Variants in DIP2C observed in about 807,000 individuals in gnomAD.
DIP2C encodes disco-interacting protein 2 homolog C.
A neutral mutation model predicts 192.4 loss-of-function variants in DIP2C; 33 were observed. That is an observed-to-expected ratio of 0.17 (90% CI 0.13 to 0.23). The LOEUF (loss-of-function observed/expected upper bound fraction) is 0.23, where lower values mean the gene tolerates loss of function less well. Ranked by LOEUF, DIP2C falls within the 10% of genes least tolerant of loss-of-function variation. The pLI is 1.00. For synonymous variants in DIP2C, 979 were observed against 864.1 expected (o/e 1.13, Z -2.33); for missense variants, 1,537 against 2,110.1 (o/e 0.73, Z 5.32).
chr10:489,052 C>CA (rs2093007684), intron 1 of DIP2C, among the ~76,000 whole-genome samples: 1 of 152,158 alleles, frequency 6.6e-6, no homozygotes, highest in South Asian at 2.1e-4. Context: ...GATTCTATCC[C>CA]AAAATGCAGA....
chr10:313,597 A>G (rs1956653454), intron 31 of DIP2C, among the ~76,000 whole-genome samples: 1 of 152,256 alleles, frequency 6.6e-6, no homozygotes, highest in Admixed American at 6.5e-5. Context: ...GATTTAAAGT[A>G]CACGGAGGAT....
chr10:637,704 T>C (rs1024084291), intron 1 of DIP2C, among the ~76,000 whole-genome samples: 4 of 152,180 alleles, frequency 2.6e-5, no homozygotes, highest in African/African-American at 9.7e-5. Flanking sequence ...TAATTTTGTT[T>C]AAAGGCATTT....
At chr10:585,505 T>TCA (rs1475941822) in intron 1 of DIP2C, among the ~76,000 whole-genome samples, 1 of 152,234 alleles carries the variant, frequency 6.6e-6, no homozygotes, top group Non-Finnish European at 1.5e-5. Flanking sequence ...GGCTCCAGGA[T>TCA]CACGGCCCAG....
intron 1 of DIP2C, among the ~76,000 whole-genome samples, chr10:540,035 T>C (rs1383776009): frequency 6.6e-6 from 1 of 152,196 alleles, no homozygotes; most frequent in African/African-American, 2.4e-5. Flanking sequence ...TTCTAGAAAC[T>C]TGTGTTTGGC....
intron 22 of DIP2C, among the ~76,000 whole-genome samples, chr10:359,442 G>A (rs1027315177): frequency 1.3e-5 from 2 of 152,200 alleles, no homozygotes; most frequent in African/African-American, 4.8e-5. Flanking sequence ...GGTTCTAGGC[G>A]ACGTGTAGGA....
intron 2 of DIP2C, among the ~76,000 whole-genome samples, chr10:477,181 A>T (rs1843096921): frequency 7.0e-6 from 1 of 142,256 alleles, no homozygotes; most frequent in South Asian, 2.3e-4. Flanking sequence ...GGCTTAGCAA[A>T]GTCAGCAAAG....
intron 1 of DIP2C, among the ~76,000 whole-genome samples, chr10:646,874 G>A (rs544694462): frequency 7.9e-5 from 12 of 152,234 alleles, no homozygotes; most frequent in Non-Finnish European, 1.2e-4. Flanking sequence ...ACACAGACTC[G>A]GTTGGTAATT....
rs192826703 is a variant in DIP2C, at chr10:369,830, C to T, written c.1992-197G>A. ...TGAACAGCTGGCAGCGAGTCTACTG[C>T]TTCCGCCTCTACATTCCCAGGGAAT... On this transcript the variant is annotated intron_variant, in intron 17 of 36. Coordinates refer to ENST00000280886, the MANE Select transcript of DIP2C (RefSeq NM_014974.3). 6.3e-3 allele frequency: 8,148 copies of T among 1,303,406 alleles called. 41 individuals carry two copies. Among genetic ancestry groups the T allele is most frequent in the Non-Finnish European group, 7.2e-3 (6,909 of 962,664 alleles). 80.7% of individuals were successfully genotyped at this position (1,303,406 alleles called of 1,614,324 possible).
At chr10:532,880 T>TC (rs1847499955) in intron 1 of DIP2C, among the ~76,000 whole-genome samples, 1 of 152,104 alleles carries the variant, frequency 6.6e-6, no homozygotes, top group Non-Finnish European at 1.5e-5. Flanking sequence ...AGCCTCAACC[T>TC]CCCAGGCTTG....
At chr10:607,258 A>G (rs1588583089) in intron 1 of DIP2C, among the ~76,000 whole-genome samples, 2 of 152,160 alleles carry the variant, frequency 1.3e-5, no homozygotes, top group South Asian at 4.1e-4. Context: ...GGCAGCTCAA[A>G]CACCTAAACA....
At chr10:552,385 C>T (rs574442055) in intron 1 of DIP2C, among the ~76,000 whole-genome samples, 18 of 152,234 alleles carry the variant, frequency 1.2e-4, no homozygotes, top group Middle Eastern at 3.4e-3. Context: ...GAAGTCCCTG[C>T]CAAGTAAAAG....
chr10:302,914 G>A (rs114418824), intron 32 of DIP2C, among the ~76,000 whole-genome samples: 59 of 151,148 alleles, frequency 3.9e-4, no homozygotes, highest in African/African-American at 1.4e-3. Flanking sequence ...TGTAGACTCT[G>A]TAAACACTGT....
rs937913815 is a variant in DIP2C at position 363,929 on chromosome 10, C to T, written c.2477+445G>A. On this transcript the variant is annotated intron_variant, in intron 20 of 36. Transcript: ENST00000280886. This position sits in a 1 kb window ranked among gnomAD's most constrained non-coding sequence, Gnocchi z 5.4. ...ACTCAGGAACCGTGGCAACTTATTT[C>T]ATCACGGAGCCTCCACTGTGCACCA... Among the ~76,000 whole-genome samples the T allele has an allele frequency of 2.6e-5, 4 of 152,152 alleles. No individual in the cohort carries two copies. Among genetic ancestry groups the T allele is most frequent in the African/African-American group, 9.7e-5 (4 of 41,434 alleles).
Position 422,958 on chromosome 10 carries a change from C to A in DIP2C, c.470G>T (p.Ser157Ile). The A allele has an allele frequency of 1.2e-6, 2 of 1,614,178 alleles. No individual in the cohort carries two copies. Among genetic ancestry groups the A allele is most frequent in the Non-Finnish European group, 1.7e-6 (2 of 1,180,032 alleles). The change falls in exon 5 of 37, where the codon AGC becomes ATC. Residue 157 changes from serine (S) to isoleucine (I), a missense_variant. Physicochemically the swap from Ser to Ile is moderately radical, Grantham distance 142. Transcript: ENST00000280886. ...SQGTPTSSQG[S>I]INMEHWISQA... ...GCTGATCCAGTGCTCCATATTGATG[C>A]TGCCCTGGCTGGAGGTGGGGGTGCC...
At chr10:338,585 T>G (rs1237940743) in intron 29 of DIP2C, among the ~76,000 whole-genome samples, 1 of 152,220 alleles carries the variant, frequency 6.6e-6, no homozygotes, top group Non-Finnish European at 1.5e-5. Flanking sequence ...TGTGTCAGGC[T>G]GTACCAGCCA....
At chr10:628,723 C>A (rs1305125146) in intron 1 of DIP2C, 1 of 152,398 alleles carries the variant, frequency 6.6e-6, no homozygotes. Context: ...AGAGAGGGCA[C>A]CCGTCTGAGA....
In DIP2C at chr10:329,474, G is replaced by A; in HGVS notation, c.3712C>T (p.Leu1238=). The part of the protein sequence containing the change: ...DTFCSYSVME[L]CTKGLGSQTE... ...TGCGAGCCCAGCCCCTTGGTGCACA[G>A]CTCCATCACGGAGTAGGAGCAAAAC... The change falls in exon 30 of 37, where the codon CTG becomes TTG. Residue 1238 remains leucine, a synonymous_variant. Transcript: ENST00000280886. The A allele has an allele frequency of 6.2e-7, 1 of 1,614,164 alleles. No homozygotes were observed. The highest frequency in any genetic ancestry group is 8.5e-7 in the Non-Finnish European group (1 of 1,180,026).
intron 1 of DIP2C, among the ~76,000 whole-genome samples, chr10:556,822 A>G (rs1309316585): frequency 6.6e-6 from 1 of 152,230 alleles, no homozygotes; most frequent in Non-Finnish European, 1.5e-5. Context: ...TGAGTCACAG[A>G]GAGGAACATG....
intron 30 of DIP2C, among the ~76,000 whole-genome samples, chr10:328,720 T>C (rs1018468268): frequency 1.3e-5 from 2 of 152,254 alleles, no homozygotes; most frequent in African/African-American, 4.8e-5. Context: ...TGTTCCGTTA[T>C]TGATCTCTGT....
Sources: allele counts gnomAD v4.1 joint callset (sites outside exome capture counted in the v4.1 genomes callset), GRCh38; gene constraint gnomAD v4.1.1; non-coding constraint Gnocchi (gnomAD v3.1); transcripts MANE v1.5; gene names NCBI Gene and HGNC (gene_info 2026-07-23, HGNC 2026-07-21).